PRR16: variants seen among roughly 807,000 people sequenced by gnomAD.
PRR16 encodes the protein proline rich 16, also known as protein Largen.
A neutral mutation model predicts 18.2 loss-of-function variants in PRR16; 6 were observed. The observed-to-expected ratio is 0.33, with a 90% CI of 0.18 to 0.65. PRR16 has a LOEUF of 0.65. Ranked by LOEUF, PRR16 falls within the 30% of genes least tolerant of loss-of-function variation. The probability of loss-of-function intolerance (pLI) is 0.74; values close to 1 mark genes in which losing one functional copy is unlikely to be tolerated. For synonymous variants in PRR16, 151 were observed against 147.8 expected, an observed-to-expected ratio of 1.02 and a Z score of -0.16; for missense variants, 412 against 376.6, an observed-to-expected ratio of 1.09 and a Z score of -0.78.
chr5:120,483,072 C>T (rs1343982545), intron 1 of PRR16, among the ~76,000 whole-genome samples: 1 of 152,134 alleles, frequency 6.6e-6, no homozygotes, highest in East Asian at 1.9e-4. Flanking sequence ...TTTAAATCAA[C>T]AAACGTTCAT....
intron 1 of PRR16, among the ~76,000 whole-genome samples, chr5:120,647,354 G>C (rs1017228514): frequency 1.3e-5 from 2 of 151,618 alleles, no homozygotes; most frequent in African/African-American, 4.8e-5. Context: ...AATTAAAATT[G>C]TTTGGATGTG....
intron 1 of PRR16, among the ~76,000 whole-genome samples, chr5:120,667,334 T>C (rs1234048085): frequency 2.2e-5 from 3 of 133,934 alleles, no homozygotes; most frequent in Non-Finnish European, 3.4e-5. Context: ...GTCTATTTGA[T>C]TCTTCTCTCT....
chr5:120,738,186 G>T, the PRR16 span, among the ~76,000 whole-genome samples: 4 of 152,010 alleles, frequency 2.6e-5, no homozygotes, highest in Admixed American at 6.6e-5. Context: ...ATGGAATATG[G>T]AATTATTTGA....
intron 1 of PRR16, among the ~76,000 whole-genome samples, chr5:120,681,190 C>T (rs999628055): frequency 4.6e-5 from 7 of 152,000 alleles, no homozygotes; most frequent in African/African-American, 7.2e-5. Flanking sequence ...CTTTCATTTA[C>T]GATGCTTTTC....
At chr5:120,572,812 A>G (rs1250243270) in intron 1 of PRR16, among the ~76,000 whole-genome samples, 2 of 152,182 alleles carry the variant, frequency 1.3e-5, no homozygotes, top group Non-Finnish European at 2.9e-5. Context: ...TAGTGAAAAT[A>G]TTTGAAGATG....
At chr5:120,770,926 A>ACTCTCTCTCTCT in the PRR16 span, among the ~76,000 whole-genome samples, 4,925 of 130,822 alleles carry the variant, frequency 0.038, 105 homozygotes, top group African/African-American at 0.054. Flanking sequence ...TCATTGGAAC[A>ACTCTCTCTCTCT]CTCTCTCTCT....
intron 1 of PRR16, among the ~76,000 whole-genome samples, chr5:120,528,438 C>T (rs901134621): frequency 2.6e-5 from 4 of 152,092 alleles, no homozygotes; most frequent in African/African-American, 9.7e-5. Flanking sequence ...GCAACTTTGC[C>T]ATATTCTGGT....
chr5:120,792,114 T>C, the PRR16 span, among the ~76,000 whole-genome samples: 1 of 152,110 alleles, frequency 6.6e-6, no homozygotes, highest in Non-Finnish European at 1.5e-5. Flanking sequence ...TTCCCAAAAA[T>C]ATTTGACAAT....
chr5:120,668,478 T>C (rs1370007641), intron 1 of PRR16, among the ~76,000 whole-genome samples: 2 of 151,840 alleles, frequency 1.3e-5, no homozygotes, highest in East Asian at 3.9e-4. Flanking sequence ...TTGTTATGTG[T>C]GAATTTGATC....
chr5:120,749,022 C>A, the PRR16 span, among the ~76,000 whole-genome samples: 25 of 152,028 alleles, frequency 1.6e-4, no homozygotes, highest in Admixed American at 1.6e-3. Context: ...TATATGCCAC[C>A]TCCAAGTGGC....
At chr5:120,615,766 T>C (rs1754490279) in intron 1 of PRR16, among the ~76,000 whole-genome samples, 1 of 152,118 alleles carries the variant, frequency 6.6e-6, no homozygotes, top group South Asian at 2.1e-4. Flanking sequence ...ACAGAAGTGT[T>C]TTCTGTCATC....
chr5:120,489,907 A>G (rs1749963519), intron 1 of PRR16, among the ~76,000 whole-genome samples: 1 of 152,130 alleles, frequency 6.6e-6, no homozygotes, highest in Non-Finnish European at 1.5e-5. Flanking sequence ...TCCTTCATTT[A>G]TGAAACTTAG....
chr5:120,694,526 T>C, the PRR16 span, among the ~76,000 whole-genome samples: 1 of 151,186 alleles, frequency 6.6e-6, no homozygotes, highest in Non-Finnish European at 1.5e-5. Context: ...GTACTAAAAA[T>C]ACAAAAAATT....
intron 1 of PRR16, among the ~76,000 whole-genome samples, chr5:120,682,217 G>A (rs954804209): frequency 6.6e-6 from 1 of 152,126 alleles, no homozygotes; most frequent in Non-Finnish European, 1.5e-5. Context: ...TGAGCAGACT[G>A]CTTGAACCAC....
chr5:120,673,847 C>G (rs1233831169), intron 1 of PRR16, among the ~76,000 whole-genome samples: 1 of 151,782 alleles, frequency 6.6e-6, no homozygotes, highest in Non-Finnish European at 1.5e-5. Flanking sequence ...CCCAACTACT[C>G]AGGAGGTTGA....
intron 1 of PRR16, among the ~76,000 whole-genome samples, chr5:120,665,360 C>T (rs1425606757): frequency 6.6e-6 from 1 of 151,850 alleles, no homozygotes; most frequent in African/African-American, 2.4e-5. Flanking sequence ...GATATTAGCC[C>T]TTTGTCAGAT....
At chr5:120,534,950 C>A (rs768183694) in intron 1 of PRR16, among the ~76,000 whole-genome samples, 7 of 152,092 alleles carry the variant, frequency 4.6e-5, no homozygotes, top group Non-Finnish European at 5.9e-5. Context: ...TTTATCAGGA[C>A]TTTGCAGGGC....
chr5:120,466,987 G>C (rs1749125719), intron 1 of PRR16, among the ~76,000 whole-genome samples: 1 of 152,116 alleles, frequency 6.6e-6, no homozygotes, highest in Non-Finnish European at 1.5e-5. Context: ...CATAGAATAT[G>C]AATGAAAATA....
intron 1 of PRR16, among the ~76,000 whole-genome samples, chr5:120,493,761 T>A (rs1039341161): frequency 6.6e-6 from 1 of 152,200 alleles, no homozygotes; most frequent in Non-Finnish European, 1.5e-5. Flanking sequence ...TTTTCAAGAT[T>A]GCTATATAAG....
Sources: gnomAD v4.1 joint callset for allele counts (sites outside exome capture counted in the v4.1 genomes callset) on GRCh38, gnomAD v4.1.1 for gene constraint, MANE v1.5 for transcripts, NCBI Gene and HGNC (gene_info 2026-07-23, HGNC 2026-07-21) for gene names.